SCARA5: variants seen among roughly 807,000 people sequenced by gnomAD.
SCARA5 encodes scavenger receptor class A member 5.
SCARA5 carries 45 observed loss-of-function variants against 46.3 expected under a neutral mutation model. The observed-to-expected ratio is 0.97, with a 90% CI of 0.76 to 1.24. The LOEUF (loss-of-function observed/expected upper bound fraction) is 1.24, where lower values mean the gene tolerates loss of function less well. Ranked by LOEUF, SCARA5 falls within the 50% of genes most tolerant of loss-of-function variation. The probability of loss-of-function intolerance (pLI) is 0.00; values close to 1 mark genes in which losing one functional copy is unlikely to be tolerated. For missense variants in SCARA5, 680 were observed against 689.0 expected (o/e 0.99, Z 0.15); for synonymous variants, 333 against 306.5 (o/e 1.09, Z -0.90).
chr8:27,894,555 G>A (rs909659884), intron 7 of SCARA5, among the ~76,000 whole-genome samples: 7 of 152,208 alleles, frequency 4.6e-5, no homozygotes, highest in Admixed American at 6.5e-5. Flanking sequence ...ATTCGTAGGT[G>A]ATTTTGGTGC....
chr8:27,907,592 T>TTTTTTTTTTTTTTTTTTA (rs398007334), intron 5 of SCARA5, among the ~76,000 whole-genome samples: 1 of 117,858 alleles, frequency 8.5e-6, no homozygotes, highest in Non-Finnish European at 1.9e-5. Context: ...TTTTTTTTTT[T>TTTTTTTTTTTTTTTTTTA]GAGACAAAGT....
chr8:27,914,290 T>C (rs950583279), intron 4 of SCARA5, among the ~76,000 whole-genome samples: 1 of 152,190 alleles, frequency 6.6e-6, no homozygotes, highest in Non-Finnish European at 1.5e-5. Context: ...CAATCTCAGG[T>C]ATGTCTTTAT....
chr8:27,974,742 C>T (rs1808497897), intron 2 of SCARA5, among the ~76,000 whole-genome samples: 2 of 151,970 alleles, frequency 1.3e-5, no homozygotes, highest in South Asian at 4.2e-4. Context: ...TTCATGGGGA[C>T]TCCATAGGGG....
chr8:27,922,286 A>T lies in SCARA5; in HGVS notation c.242-41T>A, dbSNP rs564850206. 7 of 1,449,438 alleles carry T rather than the reference A, an allele frequency of 4.8e-6. No individual in the cohort carries two copies. The South Asian group carries it at 8.8e-5, about 18-fold the overall frequency. 89.8% of individuals were successfully genotyped at this position (1,449,438 alleles called of 1,614,324 possible). Reference sequence around the variant, plus strand: ...AGGGGAGACTTGAGCACCGCTGGGGAGGAAGGCCCCGGGTGACAAGAGGCG... The same window carrying T: ...AGGGGAGACTTGAGCACCGCTGGGGTGGAAGGCCCCGGGTGACAAGAGGCG... On this transcript the variant is annotated intron_variant, in intron 3 of 8. Coordinates refer to ENST00000354914, the MANE Select transcript of SCARA5 (RefSeq NM_173833.6).
intron 2 of SCARA5, among the ~76,000 whole-genome samples, chr8:27,974,945 C>A (rs1293443465): frequency 3.3e-5 from 5 of 151,970 alleles, no homozygotes; most frequent in Non-Finnish European, 7.4e-5. Flanking sequence ...TTCTAAAGCT[C>A]TTGGGATTTC....
intron 2 of SCARA5, among the ~76,000 whole-genome samples, chr8:27,967,461 G>C (rs1808386056): frequency 6.6e-6 from 1 of 152,000 alleles, no homozygotes; most frequent in Non-Finnish European, 1.5e-5. Flanking sequence ...GAAGTGGAAA[G>C]AAGGGATCCT....
At chr8:27,991,044 G>T (rs1005701191) in intron 1 of SCARA5, among the ~76,000 whole-genome samples, 1 of 152,210 alleles carries the variant, frequency 6.6e-6, no homozygotes, top group African/African-American at 2.4e-5. Flanking sequence ...CCTGTGCCCT[G>T]GGGCCATCTG....
At chr8:27,983,614 T>C (rs992947574) in intron 2 of SCARA5, among the ~76,000 whole-genome samples, 2 of 152,172 alleles carry the variant, frequency 1.3e-5, no homozygotes, top group Non-Finnish European at 2.9e-5. Flanking sequence ...CAAAGACTTC[T>C]GGGACATCTG....
At chr8:27,980,233 G>A (rs957336579) in intron 2 of SCARA5, among the ~76,000 whole-genome samples, 1 of 152,212 alleles carries the variant, frequency 6.6e-6, no homozygotes, top group African/African-American at 2.4e-5. Context: ...GAATGAGCAA[G>A]CAAGGAAGCA....
intron 2 of SCARA5, among the ~76,000 whole-genome samples, chr8:27,973,867 C>T (rs982897217): frequency 1.4e-4 from 22 of 152,084 alleles, no homozygotes; most frequent in African/African-American, 4.6e-4. Context: ...TAGGACACAT[C>T]GAAAATGGGG....
intron 3 of SCARA5, among the ~76,000 whole-genome samples, chr8:27,946,717 C>A (rs1446219453): frequency 6.6e-6 from 1 of 152,184 alleles, no homozygotes; most frequent in Admixed American, 6.5e-5. Context: ...TTGTAGGCAC[C>A]ACCAAGTGTG....
chr8:27,887,180 A>C (rs778935202), intron 7 of SCARA5, among the ~76,000 whole-genome samples: 1 of 152,070 alleles, frequency 6.6e-6, no homozygotes, highest in Non-Finnish European at 1.5e-5. Context: ...CCCTTCAATG[A>C]CTGCGAGGCA....
chr8:27,934,391 A>C (rs978873567), intron 3 of SCARA5, among the ~76,000 whole-genome samples: 3 of 152,212 alleles, frequency 2.0e-5, no homozygotes, highest in African/African-American at 7.2e-5. Context: ...TTAAGCTCCC[A>C]GTTTGAAAAC....
chr8:27,931,901 G>A (rs1204556716), intron 3 of SCARA5, among the ~76,000 whole-genome samples: 1 of 152,018 alleles, frequency 6.6e-6, no homozygotes, highest in African/African-American at 2.4e-5. Flanking sequence ...TGATCCACTC[G>A]CCTCGGCCTC....
At chr8:27,955,704 C>T (rs939547937) in intron 3 of SCARA5, among the ~76,000 whole-genome samples, 2 of 152,228 alleles carry the variant, frequency 1.3e-5, no homozygotes. Flanking sequence ...CCCCCTTTTC[C>T]CTCCTGGGTG....
Position 27,871,553 on chromosome 8 carries a change from C to A in SCARA5, c.*381G>T. ...AGAGTAAATGATCTATACTACCAAC[C>A]ATCGCTGCTGCTGCACTTGTCTCTG... is the stretch of plus-strand genomic sequence containing the variant. On this transcript the variant is annotated 3_prime_UTR_variant, in exon 9 of 9. Transcript: ENST00000354914. 9.3e-7 allele frequency: 1 copy of A among 1,074,496 alleles called. No homozygotes were observed. The highest frequency in any genetic ancestry group is 1.1e-6 in the Non-Finnish European group (1 of 884,012). The allele number at this position is 1,074,496 out of a possible 1,614,324, so 66.6% of individuals were successfully genotyped here.
chr8:27,892,606 CTTTTTTT>C (rs1230257718), intron 7 of SCARA5, among the ~76,000 whole-genome samples: 1 of 127,034 alleles, frequency 7.9e-6, no homozygotes, highest in Non-Finnish European at 1.6e-5. Flanking sequence ...ATACCTCACC[CTTTTTTT>C]TTTTTTTTTT....
intron 2 of SCARA5, among the ~76,000 whole-genome samples, chr8:27,972,108 G>T (rs1001512680): frequency 6.6e-6 from 1 of 152,130 alleles, no homozygotes; most frequent in Non-Finnish European, 1.5e-5. Flanking sequence ...CCTGAGGTCA[G>T]GAGTTCAAGA....
At chr8:27,936,017 T>A (rs1007208821) in intron 3 of SCARA5, among the ~76,000 whole-genome samples, 1 of 152,168 alleles carries the variant, frequency 6.6e-6, no homozygotes, top group African/African-American at 2.4e-5. Flanking sequence ...ATTTACAGGC[T>A]GCAGGCTGAC....
Sources: gnomAD v4.1 joint callset for allele counts (sites outside exome capture counted in the v4.1 genomes callset) on GRCh38, gnomAD v4.1.1 for gene constraint, MANE v1.5 for transcripts, NCBI Gene and HGNC (gene_info 2026-07-23, HGNC 2026-07-21) for gene names.